Variants in TRIM66 observed in about 807,000 individuals in gnomAD.
TRIM66 encodes the protein tripartite motif-containing protein 66.
Under a neutral mutation model 148.2 loss-of-function variants are expected in TRIM66, and 99 were observed. The observed-to-expected ratio is 0.67, with a 90% CI of 0.57 to 0.79. The LOEUF (loss-of-function observed/expected upper bound fraction) is 0.79. TRIM66 is among the 30% of genes least tolerant of loss of function. TRIM66 has a pLI of 0.00. For synonymous variants in TRIM66, 616 were observed against 635.9 expected (o/e 0.97, Z 0.47); for missense variants, 1,666 against 1,697.9 (o/e 0.98, Z 0.33).
At chr11:8,634,696 T>A (rs2035724357) in intron 15 of TRIM66, among the ~76,000 whole-genome samples, 1 of 152,152 alleles carries the variant, frequency 6.6e-6, no homozygotes, top group South Asian at 2.1e-4. Flanking sequence ...GTTGCAGAGC[T>A]CAAGCCACTA....
chr11:8,642,810 T>C (rs913777198), intron 13 of TRIM66, among the ~76,000 whole-genome samples, 199 bp downstream of exon 13: 7 of 146,634 alleles, frequency 4.8e-5, no homozygotes, highest in African/African-American at 1.5e-4. Flanking sequence ...ATTGCCACTG[T>C]TATTTAATTC....
At chr11:8,644,328 CTTCTT>C in intron 12 of TRIM66, 1 of 427,710 alleles carries the variant, frequency 2.3e-6, no homozygotes, top group Non-Finnish European at 4.6e-6. Flanking sequence ...TCTCTTGTCA[CTTCTT>C]TTCTTGTCAT....
intron 6 of TRIM66, among the ~76,000 whole-genome samples, chr11:8,663,552 C>T (rs1242495074): frequency 6.6e-6 from 1 of 152,124 alleles, no homozygotes; most frequent in Non-Finnish European, 1.5e-5. Flanking sequence ...CCCTGCCCCC[C>T]CACAAAATCT....
Position 8,621,334 on chromosome 11 carries a change from G to C in TRIM66, c.3256-13C>G, listed in dbSNP as rs1363580530. On this transcript the variant is annotated splice_polypyrimidine_tract_variant and intron_variant, in intron 19 of 24. Transcript: ENST00000646038. Reference sequence around the variant, plus strand: ...TGTCCTGGCTGACCTTGGGGAAGAAGTAAGTCTGGGCAGCCAGAGCACAGA... The same window carrying C: ...TGTCCTGGCTGACCTTGGGGAAGAACTAAGTCTGGGCAGCCAGAGCACAGA... The C allele has an allele frequency of 6.5e-7, 1 of 1,545,924 alleles. No individual in the cohort carries two copies. Among genetic ancestry groups the C allele is most frequent in the South Asian group, 1.2e-5 (1 of 83,412 alleles).
At chr11:8,661,554 G>T (rs1239534227) in intron 6 of TRIM66, among the ~76,000 whole-genome samples, 1 of 152,174 alleles carries the variant, frequency 6.6e-6, no homozygotes, top group Non-Finnish European at 1.5e-5. Context: ...AGAGTCATTT[G>T]GGGAACCAAG....
chr11:8,677,196 C>T (rs772087972), intron 3 of TRIM66, among the ~76,000 whole-genome samples: 9 of 151,942 alleles, frequency 5.9e-5, no homozygotes, highest in East Asian at 3.9e-4. Context: ...AAAATGTGAG[C>T]GAGAAATAGT....
intron 6 of TRIM66, among the ~76,000 whole-genome samples, chr11:8,665,107 A>G (rs557965310): frequency 2.0e-5 from 3 of 151,214 alleles, no homozygotes; most frequent in African/African-American, 7.3e-5. Flanking sequence ...CGGCTCCCAC[A>G]TTTTACTTTA....
chr11:8,638,561 T>G, intron 15 of TRIM66, 93 bp downstream of exon 15: 1 of 1,410,964 alleles, frequency 7.1e-7, no homozygotes. Context: ...ACAGGGACGC[T>G]CCTCCCCCCA....
intron 21 of TRIM66, 80 bp downstream of exon 21, chr11:8,620,366 C>G: frequency 6.6e-7 from 1 of 1,525,984 alleles, no homozygotes; most frequent in Non-Finnish European, 8.8e-7. Context: ...CCCCTCATCC[C>G]CTCTCAAAGG....
chr11:8,668,816 G>A (rs2038758748), intron 6 of TRIM66, among the ~76,000 whole-genome samples: 1 of 151,936 alleles, frequency 6.6e-6, no homozygotes, highest in Non-Finnish European at 1.5e-5. Flanking sequence ...GAACTCCTGA[G>A]CTCAGGTAAT....
chr11:8,682,213 A>G (rs1392629191), intron 1 of TRIM66, among the ~76,000 whole-genome samples: 1 of 152,250 alleles, frequency 6.6e-6, no homozygotes, highest in Admixed American at 6.5e-5. Context: ...AGGAAGCTGC[A>G]GTGCCCACTC....
chr11:8,656,989 G>A (rs903400804), intron 6 of TRIM66, among the ~76,000 whole-genome samples: 1 of 152,220 alleles, frequency 6.6e-6, no homozygotes. Context: ...GGCCTAGAGT[G>A]CAGCCTGAGG....
chr11:8,643,798 C>T (rs937730661), intron 12 of TRIM66, among the ~76,000 whole-genome samples: 2 of 152,192 alleles, frequency 1.3e-5, no homozygotes, highest in African/African-American at 4.8e-5. Context: ...TGTACTTCCA[C>T]TTGCAGGTAA....
At position 8,645,766 on chromosome 11, in the gene TRIM66, A is replaced by G; in HGVS notation, c.1079T>C (p.Val360Ala). 2 of 1,551,736 alleles carry G rather than the reference A, an allele frequency of 1.3e-6. No individual in the cohort carries two copies. The highest frequency in any genetic ancestry group is 1.7e-6 in the Non-Finnish European group (2 of 1,146,972). ...INWAVCSKTS[V>A]PFLFSKELIV... Reference sequence around the variant, plus strand: ...CAGCTCTTTGCTGAAAAGAAAAGGGACACTGGTTTTGCTGCAGACAGCCCA... The same window carrying G: ...CAGCTCTTTGCTGAAAAGAAAAGGGGCACTGGTTTTGCTGCAGACAGCCCA... Residue 360 changes from valine (V) to alanine (A), a missense_variant, in exon 12 of 25, where the codon GTC becomes GCC. Around this residue, in one of 3 missense-constraint regions of TRIM66, gnomAD observed 1,431 missense variants for 1,412.4 expected, o/e 1.01. Coordinates refer to ENST00000646038, the MANE Select transcript of TRIM66 (RefSeq NM_001388022.1).
At chr11:8,630,627 C>G (rs1206885507) in intron 15 of TRIM66, among the ~76,000 whole-genome samples, 3 of 151,948 alleles carry the variant, frequency 2.0e-5, no homozygotes, top group South Asian at 2.1e-4. Context: ...CCTACAGAGC[C>G]CCCTCTTACC....
intron 15 of TRIM66, among the ~76,000 whole-genome samples, chr11:8,627,286 T>C (rs570983295): frequency 6.6e-6 from 1 of 152,364 alleles, no homozygotes; most frequent in Admixed American, 6.5e-5. Flanking sequence ...CAGGACTGTT[T>C]ATTCTACAAA....
At chr11:8,683,090 C>A (rs948094635), upstream of TRIM66, 8 of 1,181,184 alleles carry the variant, frequency 6.8e-6, no homozygotes, top group Admixed American at 1.3e-4. Context: ...CTTTCCCAAA[C>A]GCTCCAGAAG....
Position 8,672,250 on chromosome 11 carries a change from G to C in TRIM66, c.25C>G (p.Gln9Glu). 1 of 1,536,134 alleles carries C rather than the reference G, an allele frequency of 6.5e-7. No homozygotes were observed. Among genetic ancestry groups the C allele is most frequent in the South Asian group, 1.2e-5 (1 of 84,060 alleles). The change falls in exon 5 of 25, where the codon CAG becomes GAG. Residue 9 changes from glutamine to glutamate, a missense_variant and splice_region_variant. By Grantham distance (29) the Gln-to-Glu change is conservative. This residue lies in a region of TRIM66 where 1,431 missense variants were observed against 1,412.4 expected (regional missense o/e 1.01). Coordinates refer to ENST00000646038, the MANE Select transcript of TRIM66 (RefSeq NM_001388022.1). MARLSFWS[Q>E]GVELARSTRC... The stretch of plus-strand genomic sequence containing the variant: ...ATGCCTCAGCCTCAGTTCCTCACCT[G>C]GGACCAAAAAGAGAGTCTAGCCATC...
intron 15 of TRIM66, among the ~76,000 whole-genome samples, chr11:8,628,293 T>G (rs1432754928): frequency 6.6e-6 from 1 of 152,186 alleles, no homozygotes; most frequent in Non-Finnish European, 1.5e-5. Context: ...CTAAGTAGAT[T>G]TGATGTAGAT....
Sources: allele counts gnomAD v4.1 joint callset (sites outside exome capture counted in the v4.1 genomes callset), GRCh38; gene constraint gnomAD v4.1.1; regional missense constraint gnomAD v4.1.1; transcripts MANE v1.5; gene names NCBI Gene and HGNC (gene_info 2026-07-23, HGNC 2026-07-21).